Variants in ZFYVE9 observed in about 807,000 individuals in gnomAD.
ZFYVE9 encodes the protein zinc finger FYVE domain-containing protein 9.
Under a neutral mutation model 126.7 loss-of-function variants are expected in ZFYVE9, and 43 were observed. That is an observed-to-expected ratio of 0.34 (90% confidence interval 0.27 to 0.44). The LOEUF is 0.44. Among genes scored for constraint, ZFYVE9 ranks in the 20% least tolerant of loss-of-function variants. The probability of loss-of-function intolerance (pLI) is 1.00; values close to 1 mark genes in which losing one functional copy is unlikely to be tolerated. For synonymous variants in ZFYVE9, 521 were observed against 597.4 expected (o/e 0.87, Z 1.87); for missense variants, 1,476 against 1,697.0 (o/e 0.87, Z 2.29).
intron 10 of ZFYVE9, among the ~76,000 whole-genome samples, chr1:52,286,964 C>T (rs1019906183): frequency 2.4e-4 from 37 of 152,170 alleles, no homozygotes. Context: ...CCCCACACCC[C>T]AACTGTCTCA....
At chr1:52,291,367 C>T (rs927307818) in intron 10 of ZFYVE9, among the ~76,000 whole-genome samples, 2 of 152,158 alleles carry the variant, frequency 1.3e-5, no homozygotes, top group Non-Finnish European at 2.9e-5. Context: ...ATAAATTTCT[C>T]TGATGGAGAT....
At chr1:52,151,769 G>A (rs944304980) in intron 1 of ZFYVE9, among the ~76,000 whole-genome samples, 5 of 151,562 alleles carry the variant, frequency 3.3e-5, no homozygotes, top group African/African-American at 7.3e-5. Context: ...CACCCGCCTC[G>A]GCCTCCCAAA....
At chr1:52,232,893 A>T (rs1184522023) in intron 2 of ZFYVE9, among the ~76,000 whole-genome samples, 2 of 152,084 alleles carry the variant, frequency 1.3e-5, no homozygotes, top group East Asian at 1.9e-4. Flanking sequence ...TTTATACCAA[A>T]CAATGATTCC....
chr1:52,289,116 A>C (rs546355546), intron 10 of ZFYVE9, among the ~76,000 whole-genome samples: 74 of 152,236 alleles, frequency 4.9e-4, no homozygotes, highest in African/African-American at 1.5e-3. Context: ...GGCTACTTAT[A>C]AGCATTTGAA....
chr1:52,257,536 C>T lies in ZFYVE9; in HGVS notation c.2179-6237C>T, dbSNP rs150706210. Reference sequence around the variant, plus strand: ...TCTCTTTATGCTTAGGCAGGTCATACGGATCCTGCCATATGATGTCAGCTG... The same window carrying T: ...TCTCTTTATGCTTAGGCAGGTCATATGGATCCTGCCATATGATGTCAGCTG... On this transcript the variant is annotated intron_variant, in intron 4 of 18. Transcript: ENST00000287727. Among the ~76,000 whole-genome samples, 412 of 152,272 alleles carry T rather than the reference C, an allele frequency of 2.7e-3. 8 individuals carry two copies. The highest frequency in any genetic ancestry group is 8.8e-3 in the African/African-American group (364 of 41,564).
Position 52,233,268 on chromosome 1 carries a change from A to G in ZFYVE9, c.62A>G (p.Gln21Arg), listed in dbSNP as rs373372436. Residue 21 changes from glutamine (Q) to arginine (R), a missense_variant, in exon 3 of 19, where the codon CAA becomes CGA. Gln to Arg is a conservative substitution (Grantham distance 43). This residue lies in a region of ZFYVE9 where 807 missense variants were observed against 794.6 expected (regional missense o/e 1.02). Transcript: ENST00000287727. Reference sequence around the variant, plus strand: ...GACAAGGTGTTAGATGAATTTGAACAAAACGAAGGTGAGAATTTATATTGG... The same window carrying G: ...GACAAGGTGTTAGATGAATTTGAACGAAACGAAGGTGAGAATTTATATTGG... ...NLDKVLDEFEQNEDETVSSTL... is the reference protein window; with the variant it reads ...NLDKVLDEFERNEDETVSSTL... 6.3e-6 allele frequency: 10 copies of G among 1,580,000 alleles called. No individual in the cohort carries two copies. Among genetic ancestry groups the G allele is most frequent in the Non-Finnish European group, 8.6e-6 (10 of 1,160,062 alleles).
chr1:52,283,636 G>GGAATCATCCTGTTTGCCT (rs2147818882), intron 10 of ZFYVE9, among the ~76,000 whole-genome samples: 1 of 152,272 alleles, frequency 6.6e-6, no homozygotes, highest in African/African-American at 2.4e-5. Context: ...CCATTTATAT[G>GGAATCATCCTGTTTGCCT]GTTTTCTAAA....
At position 52,239,264 on chromosome 1, in the gene ZFYVE9, A is replaced by G. The variant is rs540645886; in HGVS notation, c.1847A>G (p.Asp616Gly). The change falls in exon 4 of 19, where the codon GAT becomes GGT. Residue 616 changes from aspartate (D) to glycine (G), a missense_variant. Transcript: ENST00000287727. Reference sequence around the variant, plus strand: ...GGAAATAATACTAAAAATAAAAATGATATTCTTGGGAAAGCAAAATTAGGG... The same window carrying G: ...GGAAATAATACTAAAAATAAAAATGGTATTCTTGGGAAAGCAAAATTAGGG... Reference protein sequence around the residue: ...NSGNNTKNKNDILGKAKLGEN... With the variant: ...NSGNNTKNKNGILGKAKLGEN... The G allele has an allele frequency of 3.7e-6, 6 of 1,614,164 alleles. No individual in the cohort carries two copies. Among genetic ancestry groups the G allele is most frequent in the Admixed American group, 1.7e-5 (1 of 60,016 alleles).
chr1:52,147,185 T>A (rs1189254627), intron 1 of ZFYVE9, among the ~76,000 whole-genome samples: 1 of 152,224 alleles, frequency 6.6e-6, no homozygotes, highest in East Asian at 1.9e-4. Flanking sequence ...GTATTTTAGA[T>A]AAGGGATACT....
At chr1:52,170,228 T>G (rs1453909282) in intron 1 of ZFYVE9, among the ~76,000 whole-genome samples, 1 of 152,198 alleles carries the variant, frequency 6.6e-6, no homozygotes, top group Non-Finnish European at 1.5e-5. Context: ...ACGATACTTA[T>G]TGACCCATTT....
At chr1:52,234,872 G>A (rs1645259235) in intron 3 of ZFYVE9, among the ~76,000 whole-genome samples, 1 of 152,098 alleles carries the variant, frequency 6.6e-6, no homozygotes, top group Non-Finnish European at 1.5e-5. Context: ...AGCCCTCTGT[G>A]TATCACAGTT....
At chr1:52,194,962 A>G (rs975124816) in intron 1 of ZFYVE9, among the ~76,000 whole-genome samples, 1 of 152,148 alleles carries the variant, frequency 6.6e-6, no homozygotes, top group East Asian at 1.9e-4. Flanking sequence ...ATTGATTATA[A>G]TGCTATGCTA....
chr1:52,159,723 A>G (rs559709225), intron 1 of ZFYVE9, among the ~76,000 whole-genome samples: 1 of 152,322 alleles, frequency 6.6e-6, no homozygotes, highest in African/African-American at 2.4e-5. Context: ...GGTTGATATA[A>G]GCGACATACC....
At chr1:52,293,147 G>T (rs564631942) in intron 10 of ZFYVE9, among the ~76,000 whole-genome samples, 2 of 152,104 alleles carry the variant, frequency 1.3e-5, no homozygotes, top group African/African-American at 4.8e-5. Flanking sequence ...GGGAGGCTGA[G>T]GCAGGTGGAT....
At position 52,220,053 on chromosome 1, in the gene ZFYVE9, G is replaced by C. The variant is rs535933839; in HGVS notation, c.-37+3579G>C. Among the ~76,000 whole-genome samples the C allele has an allele frequency of 1.1e-4, 16 of 152,242 alleles. No homozygotes were observed. The South Asian group carries it at 3.3e-3, about 32-fold the overall frequency. On this transcript the variant is annotated intron_variant, in intron 2 of 18. Transcript: ENST00000287727. The stretch of plus-strand genomic sequence containing the variant: ...GGCCTCCCAAAGTGCTGGGATTACA[G>C]GTGTGAGCCACCACACCCTGCCAGG...
intron 8 of ZFYVE9, among the ~76,000 whole-genome samples, chr1:52,276,619 C>A (rs1257606190): frequency 1.3e-5 from 2 of 152,198 alleles, no homozygotes; most frequent in Non-Finnish European, 2.9e-5. Flanking sequence ...TTAATATTTT[C>A]CATTTCTTCC....
chr1:52,148,366 T>A (rs1644323628), intron 1 of ZFYVE9, among the ~76,000 whole-genome samples: 1 of 151,788 alleles, frequency 6.6e-6, no homozygotes, highest in Admixed American at 6.6e-5. Flanking sequence ...CAGATACCTG[T>A]AATCCCAGCT....
At chr1:52,151,550 C>CT (rs1644356660) in intron 1 of ZFYVE9, among the ~76,000 whole-genome samples, 1 of 150,328 alleles carries the variant, frequency 6.7e-6, no homozygotes, top group Non-Finnish European at 1.5e-5. Flanking sequence ...GGGTCTCGCT[C>CT]TGTCATCCAG....
intron 1 of ZFYVE9, among the ~76,000 whole-genome samples, chr1:52,187,886 C>G (rs12403137): frequency 5.3e-5 from 8 of 152,106 alleles, no homozygotes; most frequent in Non-Finnish European, 7.4e-5. Context: ...TTATGGAAAA[C>G]GATTCCTTTC....
Sources: gnomAD v4.1 joint callset for allele counts (sites outside exome capture counted in the v4.1 genomes callset) on GRCh38, gnomAD v4.1.1 for gene constraint, gnomAD v4.1.1 regional missense constraint, MANE v1.5 for transcripts, NCBI Gene and HGNC (gene_info 2026-07-23, HGNC 2026-07-21) for gene names.